The following DNTT variants were observed in gnomAD, a reference collection of about 807,000 sequenced individuals.
DNTT encodes the protein nucleosidetriphosphate:DNA deoxynucleotidylexotransferase.
Under a neutral mutation model 60.9 loss-of-function variants are expected in DNTT, and 47 were observed. The ratio of observed to expected loss-of-function variants is 0.77; its 90% CI spans 0.61 to 0.98. The LOEUF is 0.98. Ranked by LOEUF, DNTT falls within the 50% of genes least tolerant of loss-of-function variation. The pLI, the probability that DNTT is intolerant of heterozygous loss-of-function variation, is 0.00. For missense variants in DNTT, 665 were observed against 627.5 expected, an observed-to-expected ratio of 1.06 and a Z score of -0.64; for synonymous variants, 224 against 221.2, an observed-to-expected ratio of 1.01 and a Z score of -0.11.
intron 3 of DNTT, 23 bp downstream of exon 3, chr10:96,319,413 C>G (rs1159985957): frequency 6.2e-7 from 1 of 1,611,274 alleles, no homozygotes; most frequent in East Asian, 2.2e-5. Flanking sequence ...TACATCAACA[C>G]CCAGGGCAAA....
In DNTT at chr10:96,327,320, G is replaced by C. The variant is rs185921079; in HGVS notation, c.875-148G>C. On this transcript the variant is annotated intron_variant, in intron 6 of 10. Coordinates refer to ENST00000371174, the MANE Select transcript of DNTT (RefSeq NM_004088.4). The stretch of plus-strand genomic sequence containing the variant: ...AATTCACAACCAGGAGAACCACATG[G>C]ACTATTCTGTCTCTGTGGGAATGGA... 1.2e-4 allele frequency: 140 copies of C among 1,205,424 alleles called. No individual in the cohort carries two copies. The Admixed American group carries it at 2.3e-3, about 20-fold the overall frequency. The allele number at this position is 1,205,424 out of a possible 1,614,324, so 74.7% of individuals were successfully genotyped here. A position where few individuals can be genotyped will look rare whatever the true frequency, so the allele number is the denominator to read the frequency against.
rs1554920345 is a variant in DNTT, at chr10:96,307,777, A to ATTT, written c.203+3087_203+3089dup. Among the ~76,000 whole-genome samples the ATTT allele has an allele frequency of 1.9e-3, 239 of 126,008 alleles. 8 individuals carry two copies. The highest frequency in any genetic ancestry group is 6.3e-3 in the African/African-American group (203 of 32,384). 82.7% of individuals were successfully genotyped at this position (126,008 alleles called of 152,430 possible). ...TGTGTGCATATATATATATATATAT[A>ATTT]TTTTTTTTTTTTGAGGCAGGGTCTT... On this transcript the variant is annotated intron_variant, in intron 1 of 10. Transcript: ENST00000371174.
intron 1 of DNTT, among the ~76,000 whole-genome samples, chr10:96,311,833 G>A (rs1029318013): frequency 6.6e-6 from 1 of 152,012 alleles, no homozygotes; most frequent in Non-Finnish European, 1.5e-5. Flanking sequence ...TAGTAGAGAC[G>A]GGGTTTCACC....
At chr10:96,318,277 G>T in intron 1 of DNTT, 75 bp from the exon 2 acceptor site, 1 of 1,528,432 alleles carries the variant, frequency 6.5e-7, no homozygotes, top group South Asian at 1.3e-5. Context: ...GGAATGCTCA[G>T]AAACCTTGAG....
At chr10:96,315,550 G>A (rs576245765) in intron 1 of DNTT, among the ~76,000 whole-genome samples, 1 of 151,934 alleles carries the variant, frequency 6.6e-6, no homozygotes, top group Non-Finnish European at 1.5e-5. Flanking sequence ...ATTAAGAAAT[G>A]CATATGGTTC....
chr10:96,310,267 C>G (rs1455817631), intron 1 of DNTT, among the ~76,000 whole-genome samples: 2 of 152,242 alleles, frequency 1.3e-5, no homozygotes, highest in Admixed American at 6.5e-5. Context: ...ATCCTTCCCA[C>G]TTTAACTAGT....
intron 1 of DNTT, among the ~76,000 whole-genome samples, chr10:96,312,485 T>C (rs892784442): frequency 6.6e-6 from 1 of 152,102 alleles, no homozygotes; most frequent in Non-Finnish European, 1.5e-5. Context: ...CCCCAGTCCC[T>C]AGTTGCACTG....
At chr10:96,308,466 G>A (rs79789998) in intron 1 of DNTT, among the ~76,000 whole-genome samples, 1,673 of 152,224 alleles carry the variant, frequency 0.011, 76 homozygotes, top group East Asian at 0.024. Context: ...TTTGCCACCC[G>A]GGTCAAGCTG....
chr10:96,331,025 T>G (rs1845000491), intron 8 of DNTT, among the ~76,000 whole-genome samples: 1 of 152,214 alleles, frequency 6.6e-6, no homozygotes, highest in South Asian at 2.1e-4. Flanking sequence ...ACATCTGCCC[T>G]GTGCCATCAG....
chr10:96,320,668 C>G lies in DNTT; in HGVS notation c.558C>G (p.Asp186Glu). 1 of 1,613,856 alleles carries G rather than the reference C, an allele frequency of 6.2e-7. No homozygotes were observed. The highest frequency in any genetic ancestry group is 1.7e-4 in the Middle Eastern group (1 of 6,054). Residue 186 changes from aspartate to glutamate, a missense_variant, in exon 4 of 11, where the codon GAC becomes GAG. By Grantham distance (45) the Asp-to-Glu change is conservative. Coordinates refer to ENST00000371174, the MANE Select transcript of DNTT (RefSeq NM_004088.4). ...AENCEFRENE[D>E]SCVTFMRAAS... ...ACTGTGAGTTTAGAGAAAATGAAGACTCCTGTGTGACATTTATGAGAGCAG... is the reference window on the plus strand; with the variant it reads ...ACTGTGAGTTTAGAGAAAATGAAGAGTCCTGTGTGACATTTATGAGAGCAG...
intron 9 of DNTT, among the ~76,000 whole-genome samples, chr10:96,333,571 C>T (rs1466547633): frequency 6.6e-6 from 1 of 152,234 alleles, no homozygotes; most frequent in Non-Finnish European, 1.5e-5. Context: ...ACAACCTAAG[C>T]ATCCACAGCA....
chr10:96,325,616 G>C (rs1182535511), intron 6 of DNTT, among the ~76,000 whole-genome samples: 2 of 152,144 alleles, frequency 1.3e-5, no homozygotes, highest in Non-Finnish European at 2.9e-5. Flanking sequence ...CCAACCCTTT[G>C]AATGAAACAG....
At chr10:96,333,173 T>G (rs1845028541) in intron 9 of DNTT, among the ~76,000 whole-genome samples, 2 of 152,238 alleles carry the variant, frequency 1.3e-5, no homozygotes, top group Admixed American at 6.5e-5. Context: ...GAATAGATAT[T>G]TCTCAAAAGA....
intron 9 of DNTT, 104 bp downstream of exon 9, chr10:96,332,700 CAG>C (rs1297760568): frequency 3.7e-5 from 57 of 1,523,510 alleles, no homozygotes; most frequent in Non-Finnish European, 4.2e-5. Context: ...GGCTGGGTGA[CAG>C]GGGAGGGGCC....
At chr10:96,319,794 C>T (rs1564871607) in intron 3 of DNTT, among the ~76,000 whole-genome samples, 1 of 152,130 alleles carries the variant, frequency 6.6e-6, no homozygotes. Flanking sequence ...TTGAGCAAAC[C>T]TAGATTCCAG....
chr10:96,325,697 G>C (rs1844932040), intron 6 of DNTT, among the ~76,000 whole-genome samples: 1 of 152,174 alleles, frequency 6.6e-6, no homozygotes, highest in Non-Finnish European at 1.5e-5. Context: ...CAGAAATCAA[G>C]GAATGCCCTC....
rs573863458 is a variant in DNTT at position 96,317,513 on chromosome 10, A to G, written c.204-839A>G. On this transcript the variant is annotated intron_variant, in intron 1 of 10. Transcript: ENST00000371174. The stretch of plus-strand genomic sequence containing the variant: ...TGAGATCATTTAATGGGGTGTTTCT[A>G]TGGTCTGAATATTTGTGTCACCCCA... 2.0e-5 allele frequency among the ~76,000 whole-genome samples: 3 copies of G among 152,296 alleles called. No individual in the cohort carries two copies. In the South Asian group the frequency reaches 6.2e-4, roughly 32 times the overall value.
intron 8 of DNTT, among the ~76,000 whole-genome samples, chr10:96,329,849 C>T (rs1053507126): frequency 6.6e-5 from 10 of 152,148 alleles, no homozygotes; most frequent in East Asian, 1.9e-4. Context: ...TAAATTTGGA[C>T]GGAGCCTTCC....
intron 1 of DNTT, among the ~76,000 whole-genome samples, chr10:96,314,598 G>C (rs1316369960): frequency 6.6e-6 from 1 of 151,332 alleles, no homozygotes; most frequent in African/African-American, 2.4e-5. Flanking sequence ...ATTTTTAGTA[G>C]AGACAGGGTT....
Sources: gnomAD v4.1 joint callset for allele counts (sites outside exome capture counted in the v4.1 genomes callset) on GRCh38, gnomAD v4.1.1 for gene constraint, MANE v1.5 for transcripts, NCBI Gene and HGNC (gene_info 2026-07-23, HGNC 2026-07-21) for gene names.